NRP2: variants seen among roughly 807,000 people sequenced by gnomAD.
NRP2 encodes neuropilin 2.
A neutral mutation model predicts 110.4 loss-of-function variants in NRP2; 52 were observed. The observed-to-expected ratio is 0.47, with a 90% CI of 0.38 to 0.59. The LOEUF (loss-of-function observed/expected upper bound fraction) is 0.59, where lower values mean the gene tolerates loss of function less well. Ranked by LOEUF, NRP2 falls within the 20% of genes least tolerant of loss-of-function variation. The probability of loss-of-function intolerance (pLI) is 0.00; values close to 1 mark genes in which losing one functional copy is unlikely to be tolerated. For missense variants in NRP2, 1,049 were observed against 1,203.0 expected, an observed-to-expected ratio of 0.87 and a Z score of 1.89; for synonymous variants, 508 against 468.9, an observed-to-expected ratio of 1.08 and a Z score of -1.08.
chr2:205,787,199 G>A (rs2058244904), intron 15 of NRP2, among the ~76,000 whole-genome samples: 1 of 152,138 alleles, frequency 6.6e-6, no homozygotes, highest in Admixed American at 6.5e-5. Flanking sequence ...ACCTGAGGCA[G>A]AACCACATGG....
chr2:205,776,343 C>G, intron 15 of NRP2: 1 of 1,613,090 alleles, frequency 6.2e-7, no homozygotes, highest in Non-Finnish European at 8.5e-7. Flanking sequence ...CCGGGGGCGC[C>G]GTGCTGGTGC....
At chr2:205,758,860 G>A (rs557695473) in intron 12 of NRP2, among the ~76,000 whole-genome samples, 3 of 152,236 alleles carry the variant, frequency 2.0e-5, no homozygotes, top group South Asian at 2.1e-4. Context: ...ACGTTCAGGC[G>A]ACCTCTTGAC....
rs2057071494 is a variant in NRP2, at chr2:205,723,891, G to A, written c.771G>A (p.Lys257=). The A allele has an allele frequency of 6.2e-7, 1 of 1,614,206 alleles. No individual in the cohort carries two copies. The highest frequency in any genetic ancestry group is 1.1e-5 in the South Asian group (1 of 91,078). Reference sequence around the variant, plus strand: ...TTCACACGGACATGGCGGTGGCCAAGGATGGCTTCTCTGCGCGTTACTACC... The same window carrying A: ...TTCACACGGACATGGCGGTGGCCAAAGATGGCTTCTCTGCGCGTTACTACC... ...LTFHTDMAVA[K]DGFSARYYLV... The change falls in exon 5 of 17, where the codon AAG becomes AAA. Residue 257 remains lysine (K), a synonymous_variant. Coordinates refer to ENST00000357785, the MANE Select transcript of NRP2 (RefSeq NM_003872.3).
chr2:205,722,905 T>C (rs1417253557), intron 4 of NRP2, among the ~76,000 whole-genome samples, 197 bp downstream of exon 4: 1 of 152,250 alleles, frequency 6.6e-6, no homozygotes, highest in Non-Finnish European at 1.5e-5. Flanking sequence ...CTTGGAAATA[T>C]TTCTTTAGAA....
chr2:205,743,341 G>T lies in NRP2; in HGVS notation c.1430G>T (p.Arg477Leu). 10 of 1,614,176 alleles carry T rather than the reference G, an allele frequency of 6.2e-6. No individual in the cohort carries two copies. The highest frequency in any genetic ancestry group is 8.5e-6 in the Non-Finnish European group (10 of 1,180,010). The change falls in exon 9 of 17, where the codon CGA becomes CTA. Residue 477 changes from arginine to leucine, a missense_variant. Arg to Leu is a moderately radical substitution (Grantham distance 102, BLOSUM62 -2). Coordinates refer to ENST00000357785, the MANE Select transcript of NRP2 (RefSeq NM_003872.3). ...AGCAGCCGCTCGGGCTGGTTCCCTCGAATCCCTCAGGCCCAGCCCGGTGAG... is the reference window on the plus strand; with the variant it reads ...AGCAGCCGCTCGGGCTGGTTCCCTCTAATCCCTCAGGCCCAGCCCGGTGAG... ...LVSSRSGWFP[R>L]IPQAQPGEEW...
intron 2 of NRP2, among the ~76,000 whole-genome samples, chr2:205,713,305 A>G (rs998981181): frequency 2.0e-5 from 3 of 152,198 alleles, no homozygotes; most frequent in Non-Finnish European, 4.4e-5. Context: ...TTTAAAAAAA[A>G]AGTTTAAAAA....
intron 2 of NRP2, chr2:205,698,057 G>T (rs1210647834): frequency 5.1e-6 from 2 of 391,194 alleles, no homozygotes; most frequent in Admixed American, 3.8e-5. Flanking sequence ...TGCACTTGGA[G>T]ATCTCCCCAT....
At chr2:205,694,745 T>C (rs1468761982) in intron 1 of NRP2, among the ~76,000 whole-genome samples, 1 of 152,248 alleles carries the variant, frequency 6.6e-6, no homozygotes, top group Non-Finnish European at 1.5e-5. Context: ...AGCTAATTTC[T>C]ATTGGGACAT....
intron 7 of NRP2, among the ~76,000 whole-genome samples, chr2:205,728,739 G>GTATATA (rs2057178779): frequency 6.6e-6 from 1 of 152,250 alleles, no homozygotes; most frequent in Admixed American, 6.5e-5. Context: ...CAGGCGATGT[G>GTATATA]CTGGCTCTAT....
At chr2:205,724,654 CTTTTT>C (rs35094496) in intron 5 of NRP2, among the ~76,000 whole-genome samples, 2 of 80,348 alleles carry the variant, frequency 2.5e-5, no homozygotes, top group African/African-American at 5.2e-5. Context: ...CAAACGATAA[CTTTTT>C]TTTTTTTTTT....
rs2058340848 is a variant in NRP2, at chr2:205,795,117, T to C, written c.*59T>C. 1.3e-6 allele frequency: 2 copies of C among 1,508,118 alleles called. No homozygotes were observed. The highest frequency in any genetic ancestry group is 1.7e-4 in the Middle Eastern group (1 of 5,906). 93.4% of individuals were successfully genotyped at this position (1,508,118 alleles called of 1,614,324 possible). ...TCCAGCAAGAGGGGCTGGGGAAGAT[T>C]ACATTTTTTTTTCCTTTGGAAACTG... On this transcript the variant is annotated 3_prime_UTR_variant, in exon 17 of 17. Transcript: ENST00000357785.
intron 15 of NRP2, among the ~76,000 whole-genome samples, chr2:205,769,441 A>C (rs961337029): frequency 2.0e-5 from 3 of 151,366 alleles, no homozygotes; most frequent in Admixed American, 6.6e-5. Context: ...ATTTCTTGCC[A>C]TGCAATATTA....
At position 205,686,661 on chromosome 2, in the gene NRP2, G is replaced by A. The variant is rs2056172929; in HGVS notation, c.73+3298G>A. 6.6e-6 allele frequency among the ~76,000 whole-genome samples: 1 copy of A among 152,178 alleles called. No homozygotes were observed. The highest frequency in any genetic ancestry group is 2.1e-4 in the South Asian group (1 of 4,814). On this transcript the variant is annotated intron_variant, in intron 1 of 16. Coordinates refer to ENST00000357785, the MANE Select transcript of NRP2 (RefSeq NM_003872.3). This position sits in a 1 kb window ranked among gnomAD's most constrained non-coding sequence, Gnocchi z 4.7. ...TTGTCGCCCCTCTGGGAATCATCTG[G>A]GTTGGGGAACCTTCGGGAATCAGCT...
rs544242059 is a variant in NRP2, at chr2:205,716,126, G to A, written c.252-67G>A. ...CAAATGAATAGAGAGACATAAGTGG[G>A]AGCGACACAGTGGTCCTTCTCATGT... On this transcript the variant is annotated intron_variant, in intron 2 of 16. Coordinates refer to ENST00000357785, the MANE Select transcript of NRP2 (RefSeq NM_003872.3). 5.3e-6 allele frequency: 8 copies of A among 1,512,608 alleles called. No homozygotes were observed. In the East Asian group the frequency reaches 1.4e-4, roughly 26 times the overall value. The allele number at this position is 1,512,608 out of a possible 1,614,324, so 93.7% of individuals were successfully genotyped here.
intron 1 of NRP2, among the ~76,000 whole-genome samples, chr2:205,690,151 C>T (rs1408172510): frequency 6.6e-6 from 1 of 152,116 alleles, no homozygotes; most frequent in African/African-American, 2.4e-5. Flanking sequence ...TTGCAAATTA[C>T]TAGACCGAAT....
chr2:205,688,132 AAGAT>A (rs375900744), intron 1 of NRP2, among the ~76,000 whole-genome samples: 2 of 152,214 alleles, frequency 1.3e-5, no homozygotes, highest in Admixed American at 6.5e-5. Context: ...CCTTTCTTAA[AAGAT>A]AGAGCAAAAG....
At chr2:205,789,741 C>T (rs2058277002) in intron 15 of NRP2, among the ~76,000 whole-genome samples, 1 of 152,192 alleles carries the variant, frequency 6.6e-6, no homozygotes. Context: ...GCTAGAACTA[C>T]AGGGACCTAA....
At chr2:205,758,944 T>C (rs1343569530) in intron 12 of NRP2, among the ~76,000 whole-genome samples, 5 of 152,128 alleles carry the variant, frequency 3.3e-5, no homozygotes, top group Admixed American at 2.6e-4. Context: ...CCAGCTCTTT[T>C]GACGGTCCAA....
At chr2:205,728,675 A>G (rs1005584308) in intron 7 of NRP2, among the ~76,000 whole-genome samples, 6 of 152,166 alleles carry the variant, frequency 3.9e-5, no homozygotes, top group Non-Finnish European at 7.4e-5. Context: ...CATATGGATG[A>G]ATGTCTGGCA....
Sources: allele counts gnomAD v4.1 joint callset (sites outside exome capture counted in the v4.1 genomes callset), GRCh38; gene constraint gnomAD v4.1.1; non-coding constraint Gnocchi (gnomAD v3.1); transcripts MANE v1.5; gene names NCBI Gene and HGNC (gene_info 2026-07-23, HGNC 2026-07-21).